SRP68: variants seen among roughly 807,000 people sequenced by gnomAD.
SRP68 encodes the protein signal recognition particle subunit SRP68.
A neutral mutation model predicts 82.2 loss-of-function variants in SRP68; 15 were observed. The observed-to-expected ratio is 0.18, with a 90% confidence interval of 0.12 to 0.28. SRP68 has a LOEUF of 0.28. SRP68 is among the 10% of genes least tolerant of loss of function. SRP68 has a pLI of 1.00. For missense variants in SRP68, 595 were observed against 780.5 expected (o/e 0.76, Z 2.83); for synonymous variants, 261 against 292.6 (o/e 0.89, Z 1.10).
At chr17:76,061,854 T>C (rs1288125354) in intron 4 of SRP68, among the ~76,000 whole-genome samples, 1 of 151,664 alleles carries the variant, frequency 6.6e-6, no homozygotes, top group Non-Finnish European at 1.5e-5. Context: ...AGAACATGGA[T>C]ATGGGCTGGG....
At chr17:76,064,606 T>C (rs2598448) in intron 3 of SRP68, among the ~76,000 whole-genome samples, 84,665 of 151,860 alleles carry the variant, frequency 0.56, 26,925 homozygotes, top group African/African-American at 0.88. Flanking sequence ...TTTGGGAGGC[T>C]GAGCCAGGCA....
chr17:76,064,853 A>G (rs896775324), intron 3 of SRP68, among the ~76,000 whole-genome samples: 7 of 151,792 alleles, frequency 4.6e-5, no homozygotes, highest in African/African-American at 7.3e-5. Context: ...AAAAAAAAAA[A>G]AAAAAAAGAG....
intron 12 of SRP68, among the ~76,000 whole-genome samples, 197 bp from the exon 13 acceptor site, chr17:76,044,155 G>A (rs2066612649): frequency 1.3e-5 from 2 of 152,162 alleles, no homozygotes; most frequent in African/African-American, 2.4e-5. Context: ...AATCAGAGAT[G>A]CCCAGGTAGG....
rs763571966 is a variant in SRP68, at chr17:76,072,461, C to T, written c.31G>A (p.Gly11Ser). 10 of 1,582,480 alleles carry T rather than the reference C, an allele frequency of 6.3e-6. No individual in the cohort carries two copies. Among genetic ancestry groups the T allele is most frequent in the East Asian group, 2.3e-5 (1 of 44,192 alleles). ...CCGCCGCCACTGCCGCCGCCGCCGC[C>T]GCCGCCTGGGACCTGCTTCTCAGCA... MAAEKQVPGG[G>S]GGGGSGGGGG... The change falls in exon 1 of 16, where the codon GGC becomes AGC. Residue 11 changes from glycine (G) to serine (S), a missense_variant. Gly to Ser is a moderately conservative substitution (Grantham distance 56, BLOSUM62 0). Around this residue, in one of 2 missense-constraint regions of SRP68, gnomAD observed 100 missense variants for 91.9 expected, o/e 1.09. Transcript: ENST00000307877. The surrounding 1 kb of genome is among the most constrained non-coding windows in gnomAD (Gnocchi z 4.5).
At chr17:76,062,588 TATATAATATACATTATATATTATATAA>T (rs1230991643) in intron 4 of SRP68, among the ~76,000 whole-genome samples, 13 of 103,596 alleles carry the variant, frequency 1.3e-4, no homozygotes, top group Admixed American at 2.8e-4. Flanking sequence ...CATTATATAA[TATATAATATACATTATATATTATATAA>T]TATATAATAT....
At chr17:76,059,893 A>G (rs2066739036) in intron 7 of SRP68, among the ~76,000 whole-genome samples, 1 of 151,666 alleles carries the variant, frequency 6.6e-6, no homozygotes, top group East Asian at 1.9e-4. Flanking sequence ...TGGGAGGCTG[A>G]GGCGGGCGGA....
intron 10 of SRP68, among the ~76,000 whole-genome samples, chr17:76,046,812 G>A (rs1057195797): frequency 1.3e-5 from 2 of 152,114 alleles, no homozygotes; most frequent in African/African-American, 4.8e-5. Context: ...ATGGTGGTGG[G>A]CACCTGTAGT....
At chr17:76,069,440 C>A (rs1275032608) in intron 2 of SRP68, among the ~76,000 whole-genome samples, 3 of 151,776 alleles carry the variant, frequency 2.0e-5, no homozygotes, top group African/African-American at 4.8e-5. Flanking sequence ...ATAGGCCAGG[C>A]ACATTGGCTC....
At chr17:76,042,996 T>C (rs749552210) in intron 13 of SRP68, among the ~76,000 whole-genome samples, 7 of 152,014 alleles carry the variant, frequency 4.6e-5, no homozygotes, top group Non-Finnish European at 1.0e-4. Context: ...ATGCCTCCAA[T>C]CTCAAGGTTT....
At chr17:76,044,026 C>T in intron 12 of SRP68, 68 bp from the exon 13 acceptor site, 1 of 1,535,222 alleles carries the variant, frequency 6.5e-7, no homozygotes, top group South Asian at 1.2e-5. Flanking sequence ...GCTTTCCTTG[C>T]AGTTTAGGCG....
At chr17:76,069,950 G>A (rs2144534313) in intron 2 of SRP68, among the ~76,000 whole-genome samples, 1 of 151,690 alleles carries the variant, frequency 6.6e-6, no homozygotes, top group Admixed American at 6.6e-5. Context: ...GGTGGCACAT[G>A]CCTATAATCC....
Position 76,070,573 on chromosome 17 carries a change from G to A in SRP68, c.185-129C>T, listed in dbSNP as rs2066843444. On this transcript the variant is annotated intron_variant, in intron 1 of 15. Coordinates refer to ENST00000307877, the MANE Select transcript of SRP68 (RefSeq NM_014230.4). The stretch of plus-strand genomic sequence containing the variant: ...TTGTGAAATATAGCCAGGTACGGTG[G>A]CTCATGCCTGTAATCCCAGCACTGT... The A allele has an allele frequency of 5.0e-6, 4 of 800,370 alleles. No individual in the cohort carries two copies. In the Admixed American group the frequency reaches 8.3e-5, roughly 17 times the overall value. The allele number at this position is 800,370 out of a possible 1,614,324, so 49.6% of individuals were successfully genotyped here.
intron 9 of SRP68, chr17:76,048,234 G>A (rs1374092830): frequency 1.5e-5 from 3 of 205,204 alleles, no homozygotes; most frequent in African/African-American, 4.6e-5. Flanking sequence ...ACTCCTCCCC[G>A]TGCCTAACCC....
chr17:76,044,192 T>C (rs2066612875), intron 12 of SRP68, among the ~76,000 whole-genome samples: 2 of 152,182 alleles, frequency 1.3e-5, no homozygotes, highest in Admixed American at 1.3e-4. Context: ...GGTTTTTTAC[T>C]GACTGGCTGA....
rs947681479 is a variant in SRP68 at position 76,041,083 on chromosome 17, A to C, written c.1525-105T>G. 2.5e-5 allele frequency: 20 copies of C among 794,372 alleles called. No individual in the cohort carries two copies. In the South Asian group the frequency reaches 2.6e-4, roughly 10 times the overall value. The allele number at this position is 794,372 out of a possible 1,614,324, so 49.2% of individuals were successfully genotyped here. On this transcript the variant is annotated intron_variant, in intron 13 of 15. Transcript: ENST00000307877. The stretch of plus-strand genomic sequence containing the variant: ...CCCACTGGTATTTTCACAGGACTTT[A>C]GACTTTCTAAACGGTTCTCACTATT...
Position 76,040,423 on chromosome 17 carries a change from T to C in SRP68, c.1652A>G (p.Asn551Ser), listed in dbSNP as rs761975458. The C allele has an allele frequency of 1.1e-5, 17 of 1,613,982 alleles. No individual in the cohort carries two copies. Among genetic ancestry groups the C allele is most frequent in the African/African-American group, 1.3e-5 (1 of 74,942 alleles). ...AAAACCATGGCCCAGACTTACCTTA[T>C]TGTCCTTGACTTGGGAGGAGGAGGT... ...TETSSSQVKDNKPLVERFETF... is the reference protein window; with the variant it reads ...TETSSSQVKDSKPLVERFETF... Residue 551 changes from asparagine to serine, a missense_variant, in exon 15 of 16, where the codon AAT (asparagine) becomes AGT (serine). Physicochemically the swap from Asn to Ser is conservative, Grantham distance 46 (BLOSUM62 1). Coordinates refer to ENST00000307877, the MANE Select transcript of SRP68 (RefSeq NM_014230.4).
chr17:76,070,854 A>ATG (rs1020935434), intron 1 of SRP68, among the ~76,000 whole-genome samples: 5 of 138,068 alleles, frequency 3.6e-5, no homozygotes, highest in African/African-American at 1.6e-4. Flanking sequence ...GCACATGCAC[A>ATG]CACACACACA....
At chr17:76,062,724 T>TATACAA (rs1567935164) in intron 4 of SRP68, among the ~76,000 whole-genome samples, 1 of 27,422 alleles carries the variant, frequency 3.6e-5, no homozygotes, top group African/African-American at 3.9e-4. Flanking sequence ...TATATTATAT[T>TATACAA]TATTTTATAT....
In SRP68 at chr17:76,072,093, A is replaced by C; in HGVS notation, c.184+215T>G. 1.1e-6 allele frequency: 1 copy of C among 905,474 alleles called. No individual in the cohort carries two copies. Among genetic ancestry groups the C allele is most frequent in the Non-Finnish European group, 1.6e-6 (1 of 616,256 alleles). The allele number at this position is 905,474 out of a possible 1,614,324, so 56.1% of individuals were successfully genotyped here. A position where few individuals can be genotyped will look rare whatever the true frequency, so the allele number is the denominator to read the frequency against. On this transcript the variant is annotated intron_variant, in intron 1 of 15. Transcript: ENST00000307877. This position sits in a 1 kb window ranked among gnomAD's most constrained non-coding sequence, Gnocchi z 4.5. ...TGATATCCCAGTGCCACTGGAAGAA[A>C]CGGACCTAGCCAGGACGGCGAGGGG... is the stretch of plus-strand genomic sequence containing the variant.
Sources: gnomAD v4.1 joint callset for allele counts (sites outside exome capture counted in the v4.1 genomes callset) on GRCh38, gnomAD v4.1.1 for gene constraint, gnomAD v4.1.1 regional missense constraint, Gnocchi (gnomAD v3.1) non-coding constraint, MANE v1.5 for transcripts, NCBI Gene and HGNC (gene_info 2026-07-23, HGNC 2026-07-21) for gene names.